Variants in SNX8 observed in about 807,000 individuals in gnomAD.
SNX8 encodes the protein sorting nexin 8, also known as sorting nexin-8.
In SNX8, 25 loss-of-function variants were observed where a neutral mutation model predicts 51.6. The ratio of observed to expected loss-of-function variants is 0.48; its 90% CI spans 0.35 to 0.68. SNX8 has a LOEUF of 0.68. Among genes scored for constraint, SNX8 ranks in the 30% least tolerant of loss-of-function variants. The probability of loss-of-function intolerance (pLI) is 0.00; values close to 1 mark genes in which losing one functional copy is unlikely to be tolerated. For synonymous variants in SNX8, 324 were observed against 277.0 expected (o/e 1.17, Z -1.68); for missense variants, 695 against 624.0 (o/e 1.11, Z -1.21).
chr7:2,265,871 G>A (rs1669990628), intron 5 of SNX8, among the ~76,000 whole-genome samples: 1 of 152,002 alleles, frequency 6.6e-6, no homozygotes, highest in Admixed American at 6.6e-5. Flanking sequence ...CAGTACTTTG[G>A]GGGGCCATGC....
rs7385501 is a variant in SNX8 at position 2,297,412 on chromosome 7, C to G, written c.94+16916G>C. ...CTAAAAATACAAAATTAGCCAGGCA[C>G]GGTGGCACATGCCTATAATCCCAGC... is the stretch of plus-strand genomic sequence containing the variant. On this transcript the variant is annotated intron_variant, in intron 1 of 10. Coordinates refer to ENST00000222990, the MANE Select transcript of SNX8 (RefSeq NM_013321.4). Among the ~76,000 whole-genome samples, 201 of 150,934 alleles carry G rather than the reference C, an allele frequency of 1.3e-3. 1 individual carries two copies. Among genetic ancestry groups the G allele is most frequent in the Admixed American group, 3.0e-3 (45 of 15,132 alleles).
intron 1 of SNX8, among the ~76,000 whole-genome samples, chr7:2,291,780 C>T (rs913278729): frequency 6.6e-6 from 1 of 152,176 alleles, no homozygotes; most frequent in Non-Finnish European, 1.5e-5. Flanking sequence ...TTCCTTCACA[C>T]TCCTACAACT....
At chr7:2,257,541 C>T (rs761744016) in intron 8 of SNX8, 27 bp from the exon 9 acceptor site, 98 of 1,599,398 alleles carry the variant, frequency 6.1e-5, no homozygotes, top group Non-Finnish European at 7.5e-5. Flanking sequence ...GGCATTCGCC[C>T]GCTGTCTGGA....
chr7:2,277,784 G>A (rs1795815274), intron 2 of SNX8, among the ~76,000 whole-genome samples: 1 of 151,242 alleles, frequency 6.6e-6, no homozygotes, highest in Admixed American at 6.7e-5. Flanking sequence ...TCCAGCCTGG[G>A]CGACAGAGCA....
intron 4 of SNX8, among the ~76,000 whole-genome samples, chr7:2,269,840 C>G (rs1795600529): frequency 6.6e-6 from 1 of 152,162 alleles, no homozygotes; most frequent in African/African-American, 2.4e-5. Context: ...CCTGGCTTCA[C>G]AGCAGGAGCA....
chr7:2,286,340 T>C (rs548650063), intron 1 of SNX8, among the ~76,000 whole-genome samples: 1 of 152,124 alleles, frequency 6.6e-6, no homozygotes, highest in Admixed American at 6.5e-5. Flanking sequence ...CAGAAACTTT[T>C]CATAGCCTCA....
chr7:2,335,638 T>C (rs1012698959), intron 1 of SNX8, among the ~76,000 whole-genome samples: 2 of 150,922 alleles, frequency 1.3e-5, no homozygotes, highest in African/African-American at 4.9e-5. Context: ...CCGTCTCTAC[T>C]AAAAATAGAA....
At chr7:2,292,236 C>T (rs1190805273) in intron 1 of SNX8, among the ~76,000 whole-genome samples, 1 of 152,026 alleles carries the variant, frequency 6.6e-6, no homozygotes, top group East Asian at 1.9e-4. Context: ...GTACTCCAGC[C>T]TGGGCAACAC....
Position 2,295,389 on chromosome 7 carries a change from G to A in SNX8, c.95-17084C>T, listed in dbSNP as rs1461999227. 4.2e-5 allele frequency among the ~76,000 whole-genome samples: 6 copies of A among 144,180 alleles called. No homozygotes were observed. The Admixed American group carries it at 4.3e-4, about 10-fold the overall frequency. The allele number at this position is 144,180 out of a possible 152,430, so 94.6% of individuals were successfully genotyped here. On this transcript the variant is annotated intron_variant, in intron 1 of 10. Transcript: ENST00000222990. ...ATTGCACCCAGCCCGGGTAACAGAG[G>A]GATACTCCATCTCAAAAAAAAAAAA...
intron 1 of SNX8, among the ~76,000 whole-genome samples, chr7:2,319,692 G>A (rs1277513373): frequency 2.6e-5 from 4 of 152,148 alleles, no homozygotes; most frequent in Admixed American, 6.6e-5. Flanking sequence ...GCGGGCGCCT[G>A]TAGTCCCAGC....
At chr7:2,287,248 T>A (rs370579580) in intron 1 of SNX8, among the ~76,000 whole-genome samples, 104 of 73,684 alleles carry the variant, frequency 1.4e-3, no homozygotes, top group African/African-American at 3.3e-3. Context: ...AGAGCAAGAC[T>A]CTGTTTCAAA....
upstream of SNX8, among the ~76,000 whole-genome samples, chr7:2,354,480 C>G (rs1016891070): frequency 3.3e-5 from 5 of 152,200 alleles, no homozygotes; most frequent in African/African-American, 1.2e-4. Context: ...GGACATTTTC[C>G]TAGCATTCCG....
intron 1 of SNX8, among the ~76,000 whole-genome samples, chr7:2,326,558 C>T (rs936334191): frequency 1.1e-4 from 16 of 150,976 alleles, no homozygotes; most frequent in East Asian, 2.0e-4. Flanking sequence ...CCCAGCTACT[C>T]GGGAGGCTGA....
At chr7:2,320,336 G>T (rs887257704) in intron 1 of SNX8, among the ~76,000 whole-genome samples, 1 of 152,120 alleles carries the variant, frequency 6.6e-6, no homozygotes, top group African/African-American at 2.4e-5. Context: ...TAATTCAAAT[G>T]TGCAGCCCAG....
chr7:2,309,417 T>C (rs1481650969), intron 1 of SNX8, among the ~76,000 whole-genome samples: 1 of 152,054 alleles, frequency 6.6e-6, no homozygotes, highest in Non-Finnish European at 1.5e-5. Flanking sequence ...TCCCAGCTAC[T>C]GGGGAGGCTG....
In SNX8 at chr7:2,256,884, C is replaced by T. The variant is rs776079620; in HGVS notation, c.1274G>A (p.Gly425Glu). 4 of 1,612,490 alleles carry T rather than the reference C, an allele frequency of 2.5e-6. No individual in the cohort carries two copies. Among genetic ancestry groups the T allele is most frequent in the Non-Finnish European group, 3.4e-6 (4 of 1,179,388 alleles). Reference sequence around the variant, plus strand: ...GCAGGGCGGACTCACCTCCTTGTGCCCTTGGATCTGAGAGTTGACGAAGGC... The same window carrying T: ...GCAGGGCGGACTCACCTCCTTGTGCTCTTGGATCTGAGAGTTGACGAAGGC... ...LRAFVNSQIQ[G>E]HKEMSKVWND... Residue 425 changes from glycine (G) to glutamate (E), a missense_variant, in exon 10 of 11, where the codon GGG becomes GAG. Transcript: ENST00000222990.
At chr7:2,313,064 A>AT (rs1038863328) in intron 1 of SNX8, among the ~76,000 whole-genome samples, 2 of 151,246 alleles carry the variant, frequency 1.3e-5, no homozygotes, top group African/African-American at 4.9e-5. Context: ...CGCCTGGCTA[A>AT]TTTTTTTTGT....
At chr7:2,304,241 C>T (rs911584496) in intron 1 of SNX8, among the ~76,000 whole-genome samples, 6 of 151,388 alleles carry the variant, frequency 4.0e-5, no homozygotes, top group Non-Finnish European at 8.8e-5. Flanking sequence ...GAAGGACCGA[C>T]TACACATAAA....
chr7:2,319,770 G>A (rs1297436064), intron 1 of SNX8, among the ~76,000 whole-genome samples: 1 of 145,368 alleles, frequency 6.9e-6, no homozygotes, highest in Non-Finnish European at 1.5e-5. Context: ...AGCTGAGACT[G>A]CACCACTGCA....
Sources: gnomAD v4.1 joint callset for allele counts (sites outside exome capture counted in the v4.1 genomes callset) on GRCh38, gnomAD v4.1.1 for gene constraint, MANE v1.5 for transcripts, NCBI Gene and HGNC (gene_info 2026-07-23, HGNC 2026-07-21) for gene names.